The following LPA variants were observed in gnomAD, a reference collection of about 807,000 sequenced individuals.
The protein encoded by LPA is apolipoprotein(a).
In LPA, 199 loss-of-function variants were observed where a neutral mutation model predicts 197.9. That is an observed-to-expected ratio of 1.01 (90% CI 0.90 to 1.13). LPA has a LOEUF of 1.13. LPA is among the 50% of genes most tolerant of loss of function. The probability of loss-of-function intolerance (pLI) is 0.00; values close to 1 mark genes in which losing one functional copy is unlikely to be tolerated. For missense variants in LPA, 1,853 were observed against 1,785.8 expected, an observed-to-expected ratio of 1.04 and a Z score of -0.68; for synonymous variants, 715 against 639.5, an observed-to-expected ratio of 1.12 and a Z score of -1.78.
At chr6:160,605,452 AT>A (rs1211833042) in intron 17 of LPA, among the ~76,000 whole-genome samples, 1 of 152,212 alleles carries the variant, frequency 6.6e-6, no homozygotes, top group Admixed American at 6.5e-5. Flanking sequence ...TCTTAGAAAT[AT>A]TTCACATAAA....
Position 160,541,754 on chromosome 6 carries a change from G to C in LPA, c.5520-573C>G, listed in dbSNP as rs1035434342. Among the ~76,000 whole-genome samples, 4 of 152,236 alleles carry C rather than the reference G, an allele frequency of 2.6e-5. No individual in the cohort carries two copies. The East Asian group carries it at 7.7e-4, about 29-fold the overall frequency. ...AGCCAGATTGCAACGAAGAGGAATA[G>C]AGATAGGAAGTGCATGATGGCAGTA... On this transcript the variant is annotated intron_variant, in intron 34 of 38. Transcript: ENST00000316300.
intron 1 of LPA, among the ~76,000 whole-genome samples, chr6:160,658,644 A>G (rs186863112): frequency 5.3e-5 from 8 of 152,280 alleles, no homozygotes; most frequent in African/African-American, 4.8e-5. Context: ...AAATGCATTT[A>G]TTTTGCATAA....
intron 28 of LPA, among the ~76,000 whole-genome samples, chr6:160,576,392 A>ATATATATATATATATATATATGGG (rs1562327994): frequency 7.3e-5 from 5 of 68,040 alleles, no homozygotes; most frequent in Non-Finnish European, 1.1e-4. Flanking sequence ...ATATATATGT[A>ATATATATATATATATATATATGGG]TATATATATA....
intron 20 of LPA, among the ~76,000 whole-genome samples, chr6:160,596,311 C>T (rs1247690399): frequency 6.6e-6 from 1 of 151,816 alleles, no homozygotes; most frequent in Non-Finnish European, 1.5e-5. Context: ...GAGTTTACTC[C>T]CTTGTTGGTC....
rs545663199 is a variant in LPA, at chr6:160,658,846, T to C, written c.49+5320A>G. 5.7e-4 allele frequency among the ~76,000 whole-genome samples: 74 copies of C among 129,016 alleles called. 1 individual carries two copies. Among genetic ancestry groups the C allele is most frequent in the African/African-American group, 1.9e-3 (70 of 36,024 alleles). The allele number at this position is 129,016 out of a possible 152,430, so 84.6% of individuals were successfully genotyped here. A position where few individuals can be genotyped will look rare whatever the true frequency, so the allele number is the denominator to read the frequency against. On this transcript the variant is annotated intron_variant, in intron 1 of 38. Transcript: ENST00000316300. ...TATGAAAATCTGTATTAGTCGGGGTTCTCTAGAGGGACAGAACTAATAGGA... is the reference window on the plus strand; with the variant it reads ...TATGAAAATCTGTATTAGTCGGGGTCCTCTAGAGGGACAGAACTAATAGGA...
At chr6:160,605,726 G>C (rs550890284) in intron 17 of LPA, among the ~76,000 whole-genome samples, 1 of 152,162 alleles carries the variant, frequency 6.6e-6, no homozygotes, top group East Asian at 1.9e-4. Context: ...ACAGTCCTTC[G>C]TCTAGGACTG....
intron 17 of LPA, among the ~76,000 whole-genome samples, chr6:160,606,196 G>A (rs1483288201): frequency 6.6e-6 from 1 of 152,106 alleles, no homozygotes; most frequent in South Asian, 2.1e-4. Context: ...AAAAATTTTG[G>A]CTAAGACACT....
Position 160,577,034 on chromosome 6 carries a change from C to G in LPA, c.4631+102G>C, listed in dbSNP as rs1778696676. On this transcript the variant is annotated intron_variant, in intron 28 of 38. Transcript: ENST00000316300. Reference sequence around the variant, plus strand: ...TGAGACATTTTGCCAAAATGTGAGTCTAAGAGAAATTTGTCCCTAGGAAGT... The same window carrying G: ...TGAGACATTTTGCCAAAATGTGAGTGTAAGAGAAATTTGTCCCTAGGAAGT... The G allele has an allele frequency of 4.8e-6, 7 of 1,455,214 alleles. No homozygotes were observed. The South Asian group carries it at 6.9e-5, about 14-fold the overall frequency. 90.1% of individuals were successfully genotyped at this position (1,455,214 alleles called of 1,614,324 possible).
At chr6:160,570,761 G>A (rs1283140857) in intron 28 of LPA, among the ~76,000 whole-genome samples, 1 of 152,162 alleles carries the variant, frequency 6.6e-6, no homozygotes, top group Non-Finnish European at 1.5e-5. Flanking sequence ...CTCTCTGGCT[G>A]CCCTCAACAT....
At chr6:160,581,351 G>T (rs1778791283) in intron 26 of LPA, among the ~76,000 whole-genome samples, 2 of 152,292 alleles carry the variant, frequency 1.3e-5, no homozygotes. Context: ...CCAGGCTAAA[G>T]TTCAGTAGCA....
chr6:160,648,268 C>T (rs1195103982), intron 2 of LPA, among the ~76,000 whole-genome samples: 1 of 152,122 alleles, frequency 6.6e-6, no homozygotes, highest in Non-Finnish European at 1.5e-5. Flanking sequence ...CGAGATTTTT[C>T]TGTGTATTAT....
At position 160,605,182 on chromosome 6, in the gene LPA, C is replaced by A; in HGVS notation, c.2809G>T (p.Val937Leu). The A allele has an allele frequency of 2.5e-6, 4 of 1,613,854 alleles. No homozygotes were observed. Among genetic ancestry groups the A allele is most frequent in the Non-Finnish European group, 3.4e-6 (4 of 1,179,886 alleles). ...CCATTTCCGTGGTAGCACTCCTGCA[C>A]CCCAGGCCTTTGCTCAGTTGGTGCT... ...EQAPTEQRPG[V>L]QECYHGNGQS... The change falls in exon 18 of 39, where the codon GTG becomes TTG. Residue 937 changes from valine (V) to leucine (L), a missense_variant. Transcript: ENST00000316300.
At chr6:160,652,099 G>T (rs1385171543) in intron 1 of LPA, among the ~76,000 whole-genome samples, 1 of 142,028 alleles carries the variant, frequency 7.0e-6, no homozygotes, top group Non-Finnish European at 1.5e-5. Flanking sequence ...AGTCCAAAAA[G>T]AAGAATACAG....
chr6:160,547,822 T>C lies in LPA; in HGVS notation c.5271A>G (p.Pro1757=), dbSNP rs1442249227. 1 of 1,614,126 alleles carries C rather than the reference T, an allele frequency of 6.2e-7. No homozygotes were observed. Among genetic ancestry groups the C allele is most frequent in the Non-Finnish European group, 8.5e-7 (1 of 1,180,024 alleles). ...CCAGACCTGCCCATTTATTTGTCCC[T>C]GGAATGAACGTGCTGTGTCTATGGG... ...QEPHRHSTFI[P]GTNKWAGLEK... is the part of the protein sequence containing the mutation. Residue 1757 remains proline (P), a synonymous_variant, in exon 32 of 39, where the codon CCA becomes CCG. Transcript: ENST00000316300.
chr6:160,541,222 G>T (rs754831117), intron 34 of LPA, 41 bp from the exon 35 acceptor site: 12 of 1,391,526 alleles, frequency 8.6e-6, no homozygotes, highest in Admixed American at 1.7e-5. Context: ...AAATTGGATG[G>T]TTTGTTCTAC....
chr6:160,545,503 C>T lies in LPA; in HGVS notation c.5335G>A (p.Gly1779Ser), dbSNP rs1007345085. 1 of 1,613,220 alleles carries T rather than the reference C, an allele frequency of 6.2e-7. No homozygotes were observed. The highest frequency in any genetic ancestry group is 8.5e-7 in the Non-Finnish European group (1 of 1,179,468). ...YCRNPDGDINGPWCYTMNPRK... is the reference protein window; with the variant it reads ...YCRNPDGDINSPWCYTMNPRK... ...GGATTCATTGTGTAGCACCAGGGAC[C>T]ATTGATGTCACCATCAGGGTTACGG... The change falls in exon 33 of 39, where the codon GGT (glycine) becomes AGT (serine). Residue 1779 changes from glycine (G) to serine (S), a missense_variant. Gly to Ser is a moderately conservative substitution (Grantham distance 56). Around this residue, in one of 3 missense-constraint regions of LPA, gnomAD observed 1,737 missense variants for 1,504.4 expected, o/e 1.15. Transcript: ENST00000316300.
intron 28 of LPA, among the ~76,000 whole-genome samples, chr6:160,565,430 A>C (rs1330884081): frequency 1.3e-5 from 2 of 152,204 alleles, no homozygotes; most frequent in Non-Finnish European, 2.9e-5. Flanking sequence ...GTGGACCTCC[A>C]GCAAACTCCA....
chr6:160,646,608 T>A (rs1305971071), intron 2 of LPA, among the ~76,000 whole-genome samples: 7 of 93,522 alleles, frequency 7.5e-5, no homozygotes, highest in Non-Finnish European at 1.1e-4. Flanking sequence ...CTATTTTTTT[T>A]AAATAAAAAA....
At chr6:160,571,185 T>C (rs577689144) in intron 28 of LPA, among the ~76,000 whole-genome samples, 1 of 152,196 alleles carries the variant, frequency 6.6e-6, no homozygotes, top group African/African-American at 2.4e-5. Flanking sequence ...GTATGTGTCA[T>C]GAAGTTCTCG....
Sources: allele counts gnomAD v4.1 joint callset (sites outside exome capture counted in the v4.1 genomes callset), GRCh38; gene constraint gnomAD v4.1.1; regional missense constraint gnomAD v4.1.1; transcripts MANE v1.5; gene names NCBI Gene and HGNC (gene_info 2026-07-23, HGNC 2026-07-21).